The following SND1 variants were observed in gnomAD, a reference collection of about 807,000 sequenced individuals.
SND1 encodes staphylococcal nuclease domain-containing protein 1.
SND1 carries 38 observed loss-of-function variants against 121.7 expected under a neutral mutation model. That is an observed-to-expected ratio of 0.31 (90% confidence interval 0.24 to 0.41). The LOEUF (loss-of-function observed/expected upper bound fraction) is 0.41, where lower values mean the gene tolerates loss of function less well. Among genes scored for constraint, SND1 ranks in the 10% least tolerant of loss-of-function variants. The pLI is 1.00. For missense variants in SND1, 868 were observed against 1,184.6 expected (o/e 0.73, Z 3.92); for synonymous variants, 401 against 447.4 (o/e 0.90, Z 1.31).
intron 10 of SND1, among the ~76,000 whole-genome samples, chr7:127,757,829 T>G (rs1563002738): frequency 6.6e-6 from 1 of 152,228 alleles, no homozygotes; most frequent in African/African-American, 2.4e-5. Flanking sequence ...TGGTTGCCCT[T>G]TGTACTCTCT....
intron 10 of SND1, among the ~76,000 whole-genome samples, chr7:127,767,654 TC>T (rs1797445445): frequency 2.6e-5 from 4 of 152,220 alleles, no homozygotes; most frequent in African/African-American, 9.7e-5. Context: ...TTCTAACAAA[TC>T]TATTAATTCT....
At chr7:128,031,034 C>T (rs1304573716) in intron 16 of SND1, 1 of 17,032 alleles carries the variant, frequency 5.9e-5, no homozygotes, top group East Asian at 2.1e-3. Flanking sequence ...GTGGTGGGGG[C>T]GGGGAGGGCA....
chr7:127,680,595 G>A lies in SND1; in HGVS notation c.79-6018G>A, dbSNP rs137928488. Among the ~76,000 whole-genome samples the A allele has an allele frequency of 3.2e-3, 481 of 151,956 alleles. 2 individuals carry two copies. Among genetic ancestry groups the A allele is most frequent in the African/African-American group, 9.9e-3 (409 of 41,416 alleles). On this transcript the variant is annotated intron_variant, in intron 1 of 23. Coordinates refer to ENST00000354725, the MANE Select transcript of SND1 (RefSeq NM_014390.4). ...AGAGAAATATGGCTCTGTTCCGCCC[G>A]GCTCACCGGCGGTCAGAGTTTAAGG...
At chr7:127,701,017 T>C (rs1796090713) in intron 4 of SND1, 146 bp from the exon 5 acceptor site, 2 of 801,960 alleles carry the variant, frequency 2.5e-6, no homozygotes, top group Non-Finnish European at 3.9e-6. Context: ...ATTTTCTGGT[T>C]ATAGGCTTGG....
chr7:128,003,906 G>A (rs534851654), intron 16 of SND1, among the ~76,000 whole-genome samples: 1 of 152,284 alleles, frequency 6.6e-6, no homozygotes, highest in Admixed American at 6.5e-5. Flanking sequence ...GAGAGGGCTA[G>A]AGCTCCTTCT....
chr7:127,763,078 A>C (rs945606047), intron 10 of SND1, among the ~76,000 whole-genome samples: 5 of 152,234 alleles, frequency 3.3e-5, no homozygotes, highest in African/African-American at 1.2e-4. Context: ...GAAATAGGGG[A>C]ATAGTGAGCA....
intron 16 of SND1, among the ~76,000 whole-genome samples, chr7:128,059,036 A>G (rs1052270190): frequency 2.6e-5 from 4 of 151,760 alleles, no homozygotes; most frequent in African/African-American, 9.7e-5. Context: ...ACCTCCACTG[A>G]CCTCAGCATG....
chr7:127,881,972 G>C (rs1416058045), intron 12 of SND1, among the ~76,000 whole-genome samples: 1 of 152,124 alleles, frequency 6.6e-6, no homozygotes, highest in Non-Finnish European at 1.5e-5. Flanking sequence ...TGGGGCAGAG[G>C]CTGGACGCAG....
At chr7:127,928,468 A>G (rs1800893804) in intron 14 of SND1, among the ~76,000 whole-genome samples, 1 of 150,802 alleles carries the variant, frequency 6.6e-6, no homozygotes, top group Non-Finnish European at 1.5e-5. Context: ...GCTTCCTGGG[A>G]CAGGGTTATA....
chr7:128,078,189 G>GACTCCT (rs1217157205), intron 17 of SND1, among the ~76,000 whole-genome samples: 1 of 152,208 alleles, frequency 6.6e-6, no homozygotes, highest in Non-Finnish European at 1.5e-5. Flanking sequence ...CCAGCTGACT[G>GACTCCT]ACTCCTTCCC....
At chr7:127,773,805 A>G in intron 10 of SND1, among the ~76,000 whole-genome samples, 1 of 152,212 alleles carries the variant, frequency 6.6e-6, no homozygotes. Context: ...TATTTGGGAA[A>G]CATAACATTT....
Position 128,029,650 on chromosome 7 carries a change from C to T in SND1, c.1779+38594C>T, listed in dbSNP as rs1035251670. The T allele has an allele frequency of 6.2e-7, 1 of 1,613,958 alleles. No individual in the cohort carries two copies. The highest frequency in any genetic ancestry group is 1.3e-5 in the African/African-American group (1 of 75,032). Reference sequence around the variant, plus strand: ...TAGCGGCCTCGCATGTGCATGGGAGCATGACAGCGGCCACAGCAGGTGGAA... The same window carrying T: ...TAGCGGCCTCGCATGTGCATGGGAGTATGACAGCGGCCACAGCAGGTGGAA... On this transcript the variant is annotated intron_variant, in intron 16 of 23. Coordinates refer to ENST00000354725, the MANE Select transcript of SND1 (RefSeq NM_014390.4). The surrounding 1 kb of genome is among the most constrained non-coding windows in gnomAD (Gnocchi z 4.2).
At chr7:127,936,112 G>T (rs1801055760) in intron 15 of SND1, among the ~76,000 whole-genome samples, 1 of 152,210 alleles carries the variant, frequency 6.6e-6, no homozygotes, top group South Asian at 2.1e-4. Flanking sequence ...CAACAGGTCA[G>T]TGCCTCCTGA....
intron 1 of SND1, among the ~76,000 whole-genome samples, chr7:127,680,888 G>A (rs1297415248): frequency 6.6e-6 from 1 of 152,004 alleles, no homozygotes; most frequent in Admixed American, 6.6e-5. Context: ...AGAGATTGCA[G>A]TAAAGACAGG....
At chr7:128,088,777 A>T (rs1024215325) in intron 21 of SND1, among the ~76,000 whole-genome samples, 19 of 151,782 alleles carry the variant, frequency 1.3e-4, no homozygotes, top group Admixed American at 3.9e-4. Flanking sequence ...TTAAAAAAAA[A>T]AAAGACAGAG....
chr7:128,030,604 T>G (rs1584749671), intron 16 of SND1: 1 of 1,588,752 alleles, frequency 6.3e-7, no homozygotes, highest in Non-Finnish European at 8.6e-7. Context: ...GCATTCCAGG[T>G]GTGGTGGTGC....
chr7:127,681,000 G>A (rs959206874), intron 1 of SND1, among the ~76,000 whole-genome samples: 4 of 152,038 alleles, frequency 2.6e-5, no homozygotes, highest in African/African-American at 7.3e-5. Flanking sequence ...CCCTCCGTTC[G>A]GGGTGCCTGA....
At chr7:128,090,686 C>T (rs979730215) in intron 22 of SND1, among the ~76,000 whole-genome samples, 3 of 152,208 alleles carry the variant, frequency 2.0e-5, no homozygotes. Flanking sequence ...TCTCCCAGCC[C>T]TCCTGGCCTT....
At chr7:127,950,584 A>G (rs575973357) in intron 15 of SND1, among the ~76,000 whole-genome samples, 4 of 152,302 alleles carry the variant, frequency 2.6e-5, no homozygotes, top group Admixed American at 1.3e-4. Flanking sequence ...CCTTGAACCA[A>G]TACTGTACAT....
Sources: allele counts gnomAD v4.1 joint callset (sites outside exome capture counted in the v4.1 genomes callset), GRCh38; gene constraint gnomAD v4.1.1; non-coding constraint Gnocchi (gnomAD v3.1); transcripts MANE v1.5; gene names NCBI Gene and HGNC (gene_info 2026-07-23, HGNC 2026-07-21).